Variants in FRMD5 observed in about 807,000 individuals in gnomAD.
FRMD5 encodes FERM domain containing 5.
Under a neutral mutation model 69.0 loss-of-function variants are expected in FRMD5, and 20 were observed. The observed-to-expected ratio is 0.29, with a 90% CI of 0.20 to 0.42. The LOEUF is 0.42. Ranked by LOEUF, FRMD5 falls within the 10% of genes least tolerant of loss-of-function variation. FRMD5 has a pLI of 1.00. For missense variants in FRMD5, 595 were observed against 708.6 expected (o/e 0.84, Z 1.82); for synonymous variants, 271 against 260.1 (o/e 1.04, Z -0.40).
chr15:44,185,745 A>C (rs570311494), intron 1 of FRMD5, among the ~76,000 whole-genome samples: 2 of 152,098 alleles, frequency 1.3e-5, no homozygotes, highest in South Asian at 4.2e-4. Flanking sequence ...ATGAGCCGAC[A>C]TCATACCACT....
At chr15:44,153,327 A>G (rs891543482) in intron 1 of FRMD5, among the ~76,000 whole-genome samples, 1 of 152,252 alleles carries the variant, frequency 6.6e-6, no homozygotes, top group African/African-American at 2.4e-5. Context: ...AAGTCCATCA[A>G]CAGATGAATG....
chr15:43,972,007 C>A (rs1480649698), intron 1 of FRMD5, among the ~76,000 whole-genome samples: 3 of 150,126 alleles, frequency 2.0e-5, no homozygotes, highest in African/African-American at 7.3e-5. Flanking sequence ...ACCATCCTGG[C>A]CAACATAGCA....
intron 1 of FRMD5, among the ~76,000 whole-genome samples, chr15:44,183,088 G>T (rs1162811175): frequency 6.6e-6 from 1 of 152,022 alleles, no homozygotes; most frequent in East Asian, 1.9e-4. Flanking sequence ...GTTAGCCACT[G>T]TTCTGGCAAA....
At chr15:44,081,314 T>C (rs1893988173) in intron 1 of FRMD5, among the ~76,000 whole-genome samples, 1 of 152,154 alleles carries the variant, frequency 6.6e-6, no homozygotes, top group Admixed American at 6.6e-5. Flanking sequence ...ATTTTCTGTC[T>C]TTACTGACTG....
intron 1 of FRMD5, among the ~76,000 whole-genome samples, chr15:44,107,764 C>T (rs1057362579): frequency 6.6e-6 from 1 of 152,154 alleles, no homozygotes; most frequent in Non-Finnish European, 1.5e-5. Flanking sequence ...AAATATGCTG[C>T]ATAAAGGCCA....
intron 1 of FRMD5, chr15:43,989,774 G>A (rs1889580482): frequency 9.9e-7 from 1 of 1,011,836 alleles, no homozygotes; most frequent in African/African-American, 1.6e-5. Context: ...AGCACGGCCT[G>A]GATGGCCACG....
chr15:43,930,216 G>T (rs1316625289), intron 1 of FRMD5, among the ~76,000 whole-genome samples: 1 of 152,208 alleles, frequency 6.6e-6, no homozygotes, highest in African/African-American at 2.4e-5. Context: ...GTAAACCAAT[G>T]AAATCTGTCC....
intron 1 of FRMD5, among the ~76,000 whole-genome samples, chr15:43,986,519 T>G (rs1889400253): frequency 1.3e-5 from 2 of 152,110 alleles, no homozygotes. Context: ...CCAGAGGAAG[T>G]GATGCTGGCA....
At chr15:44,080,281 C>T (rs1893944700) in intron 1 of FRMD5, among the ~76,000 whole-genome samples, 1 of 152,010 alleles carries the variant, frequency 6.6e-6, no homozygotes, top group South Asian at 2.1e-4. Context: ...CTGTGTTTTA[C>T]AATCTGTCCT....
At chr15:44,179,872 G>A (rs544030211) in intron 1 of FRMD5, among the ~76,000 whole-genome samples, 1 of 152,174 alleles carries the variant, frequency 6.6e-6, no homozygotes, top group East Asian at 1.9e-4. Flanking sequence ...GTTATCATCA[G>A]AGAGAAGTAA....
chr15:43,974,773 C>A (rs1208628929), intron 1 of FRMD5, among the ~76,000 whole-genome samples: 1 of 152,174 alleles, frequency 6.6e-6, no homozygotes, highest in African/African-American at 2.4e-5. Context: ...CACAGGAAGC[C>A]TACTTTGTAG....
intron 1 of FRMD5, among the ~76,000 whole-genome samples, chr15:44,084,742 G>GT (rs1894127250): frequency 6.6e-6 from 1 of 151,834 alleles, no homozygotes; most frequent in African/African-American, 2.4e-5. Context: ...ACTTTAAATG[G>GT]TATGTGTTGT....
rs117857194 is a variant in FRMD5, at chr15:43,874,870, A to G, written c.1136-408T>C. ...AGCTGAGATCGCACTATTACACTCC[A>G]TCCTCGGCAACAGAGTGAGTAAGAT... On this transcript the variant is annotated intron_variant, in intron 13 of 13. Coordinates refer to ENST00000417257, the MANE Select transcript of FRMD5 (RefSeq NM_032892.5). Among the ~76,000 whole-genome samples the G allele has an allele frequency of 2.7e-3, 406 of 152,098 alleles. 6 individuals carry two copies. The East Asian group carries it at 0.053, about 20-fold the overall frequency.
At chr15:43,879,838 T>G (rs1013230432) in intron 13 of FRMD5, 3 of 393,944 alleles carry the variant, frequency 7.6e-6, no homozygotes, top group Non-Finnish European at 1.3e-5. Flanking sequence ...CCTCGCGTGT[T>G]GCAGGGAGAA....
At chr15:44,043,670 A>G (rs1892304296) in intron 1 of FRMD5, among the ~76,000 whole-genome samples, 1 of 152,118 alleles carries the variant, frequency 6.6e-6, no homozygotes, top group Admixed American at 6.6e-5. Context: ...AACAAGCAAC[A>G]GGGAAAAGAT....
chr15:44,088,357 C>T (rs1341981862), intron 1 of FRMD5, among the ~76,000 whole-genome samples: 1 of 152,112 alleles, frequency 6.6e-6, no homozygotes, highest in Admixed American at 6.6e-5. Flanking sequence ...TACTTTGTGT[C>T]TCTATAGATT....
intron 5 of FRMD5, among the ~76,000 whole-genome samples, chr15:43,909,624 G>C (rs1044582312): frequency 6.6e-6 from 1 of 152,032 alleles, no homozygotes; most frequent in Non-Finnish European, 1.5e-5. Flanking sequence ...GGGACTACAG[G>C]TGTGTGCCAC....
chr15:44,010,792 C>G (rs976229187), intron 1 of FRMD5, among the ~76,000 whole-genome samples: 1 of 152,090 alleles, frequency 6.6e-6, no homozygotes, highest in Non-Finnish European at 1.5e-5. Flanking sequence ...ATGAATACAA[C>G]AGGGAACTCT....
In FRMD5 at chr15:44,108,370, C is replaced by T. The variant is rs192629540; in HGVS notation, c.102+86583G>A. On this transcript the variant is annotated intron_variant, in intron 1 of 13. Coordinates refer to ENST00000417257, the MANE Select transcript of FRMD5 (RefSeq NM_032892.5). ...TAAAAATAAAAAAAATAAGGCCAGGCGCGGTGGCTCATGCCTGTAATCCCA... is the reference window on the plus strand; with the variant it reads ...TAAAAATAAAAAAAATAAGGCCAGGTGCGGTGGCTCATGCCTGTAATCCCA... Among the ~76,000 whole-genome samples the T allele has an allele frequency of 3.2e-3, 486 of 152,244 alleles. 3 individuals carry two copies. Among genetic ancestry groups the T allele is most frequent in the African/African-American group, 0.011 (453 of 41,538 alleles).
Sources: allele counts gnomAD v4.1 joint callset (sites outside exome capture counted in the v4.1 genomes callset), GRCh38; gene constraint gnomAD v4.1.1; transcripts MANE v1.5; gene names NCBI Gene and HGNC (gene_info 2026-07-23, HGNC 2026-07-21).